TAFA1: variants seen among roughly 807,000 people sequenced by gnomAD.
TAFA1 encodes chemokine-like protein TAFA-1.
TAFA1 carries 4 observed loss-of-function variants against 18.5 expected under a neutral mutation model. That is an observed-to-expected ratio of 0.22 (90% confidence interval 0.11 to 0.49). The LOEUF is 0.49. TAFA1 is among the 20% of genes least tolerant of loss of function. The pLI is 0.98. For synonymous variants in TAFA1, 56 were observed against 55.2 expected (o/e 1.01, Z -0.06); for missense variants, 147 against 169.0 (o/e 0.87, Z 0.72).
At chr3:68,030,219 A>G (rs1313640516) in intron 2 of TAFA1, among the ~76,000 whole-genome samples, 2 of 152,114 alleles carry the variant, frequency 1.3e-5, no homozygotes, top group African/African-American at 4.8e-5. Context: ...AAATAAAACC[A>G]GTTCATGCTT....
intron 2 of TAFA1, among the ~76,000 whole-genome samples, chr3:68,074,359 A>G (rs2106755961): frequency 6.6e-6 from 1 of 152,150 alleles, no homozygotes; most frequent in African/African-American, 2.4e-5. Context: ...TGGTCTGGGG[A>G]TTGGGAACCC....
At chr3:68,367,415 G>C (rs554068100) in intron 2 of TAFA1, among the ~76,000 whole-genome samples, 11 of 152,226 alleles carry the variant, frequency 7.2e-5, no homozygotes, top group South Asian at 4.2e-4. Context: ...AGGAAACAAA[G>C]GTTAGGTCAA....
chr3:68,397,347 T>G (rs1203416161), intron 2 of TAFA1, among the ~76,000 whole-genome samples: 1 of 152,176 alleles, frequency 6.6e-6, no homozygotes, highest in African/African-American at 2.4e-5. Flanking sequence ...GTGTGTGATG[T>G]TCCCCTTTCT....
At chr3:68,236,873 A>G (rs1491722) in intron 2 of TAFA1, among the ~76,000 whole-genome samples, 99,745 of 152,022 alleles carry the variant, frequency 0.66, 33,059 homozygotes, top group Middle Eastern at 0.8. Flanking sequence ...TCCTTTGTGG[A>G]GAATTATTGA....
chr3:68,460,449 G>A (rs560205443), intron 3 of TAFA1, among the ~76,000 whole-genome samples: 3 of 152,256 alleles, frequency 2.0e-5, no homozygotes, highest in Non-Finnish European at 4.4e-5. Context: ...CCAGGGGAGA[G>A]ACAGACTTTT....
At chr3:68,521,419 T>A (rs988100300) in intron 3 of TAFA1, among the ~76,000 whole-genome samples, 1 of 152,214 alleles carries the variant, frequency 6.6e-6, no homozygotes, top group African/African-American at 2.4e-5. Context: ...AATTTCTATG[T>A]GCCAGGCACT....
chr3:68,417,052 G>A (rs936304342), intron 2 of TAFA1, among the ~76,000 whole-genome samples: 7 of 152,156 alleles, frequency 4.6e-5, no homozygotes, highest in Non-Finnish European at 8.8e-5. Flanking sequence ...GGCCAGAATT[G>A]CCACATCTTG....
chr3:68,249,573 C>CT (rs1335984511), intron 2 of TAFA1, among the ~76,000 whole-genome samples: 1 of 152,070 alleles, frequency 6.6e-6, no homozygotes, highest in African/African-American at 2.4e-5. Flanking sequence ...AGGGGAATGG[C>CT]TGCTCAGGAG....
intron 2 of TAFA1, among the ~76,000 whole-genome samples, chr3:68,042,234 A>G (rs1205081595): frequency 1.6e-5 from 2 of 128,130 alleles, no homozygotes; most frequent in Non-Finnish European, 3.3e-5. Flanking sequence ...TTGGGAAACT[A>G]AACAATATAG....
At chr3:68,409,618 G>A (rs974413878) in intron 2 of TAFA1, among the ~76,000 whole-genome samples, 1 of 152,052 alleles carries the variant, frequency 6.6e-6, no homozygotes, top group Non-Finnish European at 1.5e-5. Context: ...TATAAATTAC[G>A]CAGTCTCTGG....
At chr3:67,999,279 C>CT (rs1704257441), upstream of TAFA1, among the ~76,000 whole-genome samples, 48 of 3,470 alleles carry the variant, frequency 0.014, no homozygotes, top group South Asian at 0.077. Context: ...CCCCCCCCCC[C>CT]CCTCTCTCTG....
rs549160843 is a variant in TAFA1 at position 68,296,597 on chromosome 3, C to G, written c.119-120683C>G. On this transcript the variant is annotated intron_variant, in intron 2 of 4. Coordinates refer to ENST00000478136, the MANE Select transcript of TAFA1 (RefSeq NM_213609.4). ...CTCAAAAAAAAAAAAGATAATATCT[C>G]CTGCATAGGCCCTTAACAAACTGGC... 2.5e-4 allele frequency among the ~76,000 whole-genome samples: 38 copies of G among 152,196 alleles called. 1 individual carries two copies. In the East Asian group the frequency reaches 7.1e-3, roughly 29 times the overall value.
chr3:68,535,140 T>C (rs1349075608), intron 3 of TAFA1, among the ~76,000 whole-genome samples: 2 of 152,170 alleles, frequency 1.3e-5, no homozygotes, highest in Non-Finnish European at 2.9e-5. Flanking sequence ...GATTAAGTGC[T>C]TGCCCAAAGG....
Position 68,141,135 on chromosome 3 carries a change from G to A in TAFA1, c.118+134391G>A, listed in dbSNP as rs574201526. Among the ~76,000 whole-genome samples the A allele has an allele frequency of 1.8e-4, 27 of 152,228 alleles. No individual in the cohort carries two copies. In the South Asian group the frequency reaches 5.2e-3, roughly 29 times the overall value. On this transcript the variant is annotated intron_variant, in intron 2 of 4. Coordinates refer to ENST00000478136, the MANE Select transcript of TAFA1 (RefSeq NM_213609.4). ...CTGGCATTAATAACCTCAGCTCTTT[G>A]GAGTCTAAGAATAACCAAACGGGTG...
At chr3:68,081,386 G>A (rs923881869) in intron 2 of TAFA1, among the ~76,000 whole-genome samples, 15 of 151,936 alleles carry the variant, frequency 9.9e-5, no homozygotes, top group South Asian at 2.1e-4. Context: ...GAGGAGAGGC[G>A]CTCTGCTTTT....
At chr3:68,146,061 C>A (rs1268238307) in intron 2 of TAFA1, among the ~76,000 whole-genome samples, 4 of 152,174 alleles carry the variant, frequency 2.6e-5, no homozygotes, top group Non-Finnish European at 5.9e-5. Context: ...ACAGAAGGAA[C>A]CTCTGTTGAT....
At chr3:68,378,657 G>T (rs1049311011) in intron 2 of TAFA1, among the ~76,000 whole-genome samples, 1 of 152,090 alleles carries the variant, frequency 6.6e-6, no homozygotes. Context: ...GAGCAGGATG[G>T]TATGGTTTGG....
At chr3:68,135,366 G>A (rs979035643) in intron 2 of TAFA1, among the ~76,000 whole-genome samples, 4 of 152,194 alleles carry the variant, frequency 2.6e-5, no homozygotes, top group African/African-American at 9.7e-5. Context: ...ATTGTCCCAG[G>A]ACTCAGTGGT....
chr3:68,038,748 A>G (rs1372933330), intron 2 of TAFA1, among the ~76,000 whole-genome samples: 1 of 152,194 alleles, frequency 6.6e-6, no homozygotes, highest in Non-Finnish European at 1.5e-5. Flanking sequence ...AGGAAGATAA[A>G]CAACAACCCT....
Sources: allele counts gnomAD v4.1 joint callset (sites outside exome capture counted in the v4.1 genomes callset), GRCh38; gene constraint gnomAD v4.1.1; transcripts MANE v1.5; gene names NCBI Gene and HGNC (gene_info 2026-07-23, HGNC 2026-07-21).